RAB33A: variants seen among roughly 807,000 people sequenced by gnomAD.
RAB33A encodes the protein ras-related protein Rab-33A.
RAB33A carries 6 observed loss-of-function variants against 12.0 expected under a neutral mutation model. That is an observed-to-expected ratio of 0.50 (90% CI 0.27 to 0.99). The LOEUF (loss-of-function observed/expected upper bound fraction) is 0.99. Ranked by LOEUF, RAB33A falls within the 50% of genes least tolerant of loss-of-function variation. The pLI is 0.11. For synonymous variants in RAB33A, 70 were observed against 82.4 expected (o/e 0.85, Z 0.81); for missense variants, 109 against 192.0 (o/e 0.57, Z 2.55).
rs186904570 is a variant in RAB33A at position 130,182,765 on chromosome X, T to G, written c.259-1520T>G. Reference sequence around the variant, plus strand: ...ACGAAATTCTGTCTCAAAAAAAAAATAAAAGAAAAGAAAAAAGAAAAATTC... The same window carrying G: ...ACGAAATTCTGTCTCAAAAAAAAAAGAAAAGAAAAGAAAAAAGAAAAATTC... On this transcript the variant is annotated intron_variant, in intron 1 of 1. Coordinates refer to ENST00000257017, the MANE Select transcript of RAB33A (RefSeq NM_004794.3). Among the ~76,000 whole-genome samples the G allele has an allele frequency of 6.2e-3, 685 of 110,284 alleles. 3 individuals are homozygous for G. Among genetic ancestry groups the G allele is most frequent in the Middle Eastern group, 0.019 (4 of 212 alleles).
the RAB33A span, chrX:130,131,876 CA>C: frequency 1.1e-5 from 12 of 1,109,638 alleles, no homozygotes; most frequent in African/African-American, 9.2e-5. Flanking sequence ...CATGACACTG[CA>C]TTTTTTTTTT....
chrX:130,159,795 A>T, the RAB33A span, among the ~76,000 whole-genome samples: 1 of 108,843 alleles, frequency 9.2e-6, no homozygotes, highest in Non-Finnish European at 1.9e-5. Flanking sequence ...ATTTGCCAAA[A>T]AAAAAAGAAA....
chrX:130,113,929 A>G, the RAB33A span, among the ~76,000 whole-genome samples: 1 of 112,174 alleles, frequency 8.9e-6, no homozygotes, highest in Admixed American at 9.5e-5. Context: ...TGAATGAGAT[A>G]ACAAATGTCT....
chrX:130,135,439 T>A, the RAB33A span, among the ~76,000 whole-genome samples: 314 of 72,923 alleles, frequency 4.3e-3, no homozygotes, highest in East Asian at 0.011. Context: ...TTTTTTTTTT[T>A]AAAAAAAAAA....
intron 1 of RAB33A, among the ~76,000 whole-genome samples, chrX:130,183,314 G>A (rs2031751742): frequency 9.2e-6 from 1 of 108,951 alleles, no homozygotes; most frequent in Admixed American, 9.8e-5. Flanking sequence ...CCAGCACTTT[G>A]GGAGGCTGAG....
chrX:130,135,982 G>A, the RAB33A span: 82 of 1,193,299 alleles, frequency 6.9e-5, no homozygotes, highest in East Asian at 1.4e-3. Flanking sequence ...GCACACCACC[G>A]GGCAGACTTG....
chrX:130,149,544 C>T, the RAB33A span: 291 of 1,205,295 alleles, frequency 2.4e-4, 2 homozygotes, highest in African/African-American at 4.7e-3. Context: ...TATCTTTTTT[C>T]ATCCTCTTTC....
chrX:130,124,094 T>C, the RAB33A span, among the ~76,000 whole-genome samples: 305 of 111,519 alleles, frequency 2.7e-3, 1 homozygote, highest in Non-Finnish European at 3.6e-3. Context: ...CTAGAATAGA[T>C]AGAAGCAGAA....
chrX:130,147,884 C>T, the RAB33A span: 2 of 1,211,366 alleles, frequency 1.7e-6, no homozygotes, highest in Non-Finnish European at 2.2e-6. Context: ...AAGCTGAAAG[C>T]AACAGAACAG....
chrX:130,138,244 T>A, the RAB33A span, among the ~76,000 whole-genome samples: 1 of 110,925 alleles, frequency 9.0e-6, no homozygotes, highest in Admixed American at 9.6e-5. Context: ...GGTGGGCGGA[T>A]CACCAGGTCA....
the RAB33A span, among the ~76,000 whole-genome samples, chrX:130,159,856 C>T: frequency 2.8e-5 from 3 of 107,941 alleles, no homozygotes; most frequent in Admixed American, 3.0e-4. Context: ...GGGTCTCACT[C>T]TGTCCCCAAG....
At chrX:130,117,823 A>T in the RAB33A span, among the ~76,000 whole-genome samples, 1,912 of 112,291 alleles carry the variant, frequency 0.017, 39 homozygotes, top group African/African-American at 0.054. Flanking sequence ...GCCATGAATA[A>T]CTGCTGGCCC....
At chrX:130,127,036 G>GGT in the RAB33A span, among the ~76,000 whole-genome samples, 2,163 of 105,934 alleles carry the variant, frequency 0.02, 30 homozygotes, top group African/African-American at 0.035. Context: ...CAATAAACCA[G>GGT]GTGTGTGTGT....
At chrX:130,118,683 G>T in the RAB33A span, among the ~76,000 whole-genome samples, 2 of 112,047 alleles carry the variant, frequency 1.8e-5, no homozygotes, top group African/African-American at 6.5e-5. Flanking sequence ...GGCGGCTGCT[G>T]CTGGTTTGTG....
At chrX:130,146,639 T>C in the RAB33A span, among the ~76,000 whole-genome samples, 1 of 110,449 alleles carries the variant, frequency 9.1e-6, no homozygotes, top group Non-Finnish European at 1.9e-5. Context: ...GAAAAAAAAT[T>C]GGAACCCAAA....
At chrX:130,157,953 CAAA>C in the RAB33A span, among the ~76,000 whole-genome samples, 4 of 46,155 alleles carry the variant, frequency 8.7e-5, no homozygotes, top group African/African-American at 8.3e-5. Context: ...GACTCCGTCT[CAAA>C]AAAAAAAAAA....
the RAB33A span, among the ~76,000 whole-genome samples, chrX:130,158,853 A>C: frequency 9.0e-6 from 1 of 111,452 alleles, no homozygotes; most frequent in African/African-American, 3.3e-5. Context: ...TTTAAAAGAC[A>C]AACAGAATGG....
At chrX:130,114,729 G>A in the RAB33A span, among the ~76,000 whole-genome samples, 2 of 112,236 alleles carry the variant, frequency 1.8e-5, no homozygotes, top group Admixed American at 1.9e-4. Context: ...CACAGCCCAT[G>A]TAGTTCCACC....
chrX:130,119,059 A>C, the RAB33A span, among the ~76,000 whole-genome samples: 7 of 111,482 alleles, frequency 6.3e-5, no homozygotes, highest in Non-Finnish European at 1.3e-4. Flanking sequence ...CTAGCAGTCC[A>C]AGACGGAGGT....
Sources: gnomAD v4.1 joint callset for allele counts (sites outside exome capture counted in the v4.1 genomes callset) on GRCh38, gnomAD v4.1.1 for gene constraint, MANE v1.5 for transcripts, NCBI Gene and HGNC (gene_info 2026-07-23, HGNC 2026-07-21) for gene names.